CHL1: variants seen among roughly 807,000 people sequenced by gnomAD.
The protein encoded by CHL1 is cell adhesion molecule L1 like.
Under a neutral mutation model 141.9 loss-of-function variants are expected in CHL1, and 96 were observed. The ratio of observed to expected loss-of-function variants is 0.68; its 90% CI spans 0.57 to 0.80. CHL1 has a LOEUF of 0.80. Among genes scored for constraint, CHL1 ranks in the 30% least tolerant of loss-of-function variants. CHL1 has a pLI of 0.00. For synonymous variants in CHL1, 613 were observed against 502.2 expected, an observed-to-expected ratio of 1.22 and a Z score of -2.95; for missense variants, 1,820 against 1,457.2, an observed-to-expected ratio of 1.25 and a Z score of -4.05.
At chr3:401,014 A>G (rs115133644) in intron 26 of CHL1, among the ~76,000 whole-genome samples, 1,762 of 148,798 alleles carry the variant, frequency 0.012, 40 homozygotes, top group African/African-American at 0.041. Context: ...TGATCCTCCA[A>G]CCTCAGCTCC....
intron 1 of CHL1, among the ~76,000 whole-genome samples, chr3:198,931 G>C (rs546558308): frequency 6.6e-6 from 1 of 152,360 alleles, no homozygotes; most frequent in Non-Finnish European, 1.5e-5. Flanking sequence ...TTGATGGAGA[G>C]AGAAGCTTAG....
At chr3:285,096 T>G (rs1697011477) in intron 2 of CHL1, among the ~76,000 whole-genome samples, 1 of 152,248 alleles carries the variant, frequency 6.6e-6, no homozygotes. Flanking sequence ...TAAACATGCT[T>G]ACGCATGTTT....
At chr3:291,256 T>C (rs1479859708) in intron 2 of CHL1, among the ~76,000 whole-genome samples, 3 of 152,034 alleles carry the variant, frequency 2.0e-5, no homozygotes, top group East Asian at 3.9e-4. Flanking sequence ...TTATTTATCC[T>C]GGAGACACAA....
chr3:328,432 A>C, intron 5 of CHL1, 78 bp downstream of exon 5: 1 of 1,215,816 alleles, frequency 8.2e-7, no homozygotes, highest in Non-Finnish European at 1.1e-6. Flanking sequence ...GGTTCCAATG[A>C]AATAAAGCAG....
intron 15 of CHL1, among the ~76,000 whole-genome samples, chr3:371,416 T>C (rs1575196393): frequency 6.6e-6 from 1 of 152,228 alleles, no homozygotes; most frequent in East Asian, 1.9e-4. Flanking sequence ...TGTCAGAGAC[T>C]AGGATTGCAA....
intron 1 of CHL1, among the ~76,000 whole-genome samples, chr3:238,671 T>A (rs13076578): frequency 0.51 from 76,870 of 151,702 alleles, 21,100 homozygotes; most frequent in Non-Finnish European, 0.61. Flanking sequence ...ACGCCTATAA[T>A]CCCAGCACTT....
At chr3:279,000 G>T (rs906339698) in intron 2 of CHL1, among the ~76,000 whole-genome samples, 2 of 152,066 alleles carry the variant, frequency 1.3e-5, no homozygotes, top group Admixed American at 1.3e-4. Context: ...TATTTCTCAC[G>T]CTCAGATCTT....
intron 1 of CHL1, among the ~76,000 whole-genome samples, chr3:203,780 A>G (rs1359026858): frequency 6.6e-6 from 1 of 152,240 alleles, no homozygotes; most frequent in African/African-American, 2.4e-5. Context: ...TTCTTCAGCA[A>G]GGCAGTAAGA....
intron 9 of CHL1, among the ~76,000 whole-genome samples, chr3:345,462 A>ATTTG (rs1194507030): frequency 4.4e-4 from 38 of 85,984 alleles, no homozygotes; most frequent in African/African-American, 9.7e-4. Flanking sequence ...TTATTTATTT[A>ATTTG]TTTAATTATT....
At chr3:402,489 C>T (rs1248170200) in intron 27 of CHL1, among the ~76,000 whole-genome samples, 1 of 152,156 alleles carries the variant, frequency 6.6e-6, no homozygotes, top group Non-Finnish European at 1.5e-5. Context: ...TCTCAGGTCT[C>T]CTGTATATTT....
intron 2 of CHL1, among the ~76,000 whole-genome samples, chr3:269,361 T>C (rs190701939): frequency 1.3e-5 from 2 of 152,312 alleles, no homozygotes; most frequent in East Asian, 3.9e-4. Flanking sequence ...CCCTGTTTAG[T>C]TAACTGAATC....
chr3:252,114 T>C (rs74601790), intron 2 of CHL1, among the ~76,000 whole-genome samples: 11,550 of 151,886 alleles, frequency 0.076, 512 homozygotes, highest in Middle Eastern at 0.12. Flanking sequence ...GAATAATCTT[T>C]TGAAGATTCT....
At chr3:351,814 A>C (rs1405481251) in intron 10 of CHL1, among the ~76,000 whole-genome samples, 1 of 152,126 alleles carries the variant, frequency 6.6e-6, no homozygotes, top group Admixed American at 6.6e-5. Flanking sequence ...TGCACTTCAA[A>C]TCCTATAATA....
At chr3:381,188 G>A (rs953488419) in intron 16 of CHL1, among the ~76,000 whole-genome samples, 1 of 152,190 alleles carries the variant, frequency 6.6e-6, no homozygotes, top group Admixed American at 6.5e-5. Flanking sequence ...AATCAGAGAA[G>A]AGGGAGGTAA....
At chr3:386,773 A>G (rs564272784) in intron 19 of CHL1, among the ~76,000 whole-genome samples, 2 of 152,302 alleles carry the variant, frequency 1.3e-5, no homozygotes, top group Non-Finnish European at 2.9e-5. Flanking sequence ...CAAGTATAAT[A>G]AGAAGACCTA....
At chr3:249,840 A>G (rs983399140) in intron 2 of CHL1, among the ~76,000 whole-genome samples, 1 of 152,156 alleles carries the variant, frequency 6.6e-6, no homozygotes, top group African/African-American at 2.4e-5. Context: ...TACTGTGAAT[A>G]TAGCCAGCTC....
At position 394,777 on chromosome 3, in the gene CHL1, A is replaced by G. The variant is rs375038827; in HGVS notation, c.2999A>G (p.Asn1000Ser). 45 of 1,614,058 alleles carry G rather than the reference A, an allele frequency of 2.8e-5. No individual in the cohort carries two copies. The African/African-American group carries it at 5.6e-4, about 20-fold the overall frequency. ...SKPSWHLSNL[N>S]ATTKYKFYLR... ...CCCAGCTGGCACCTCTCAAACCTGA[A>G]TGCAACTACCAAGTACAAATTCTAC... Residue 1000 changes from asparagine (N) to serine (S), a missense_variant, in exon 24 of 28, where the codon AAT becomes AGT. Transcript: ENST00000256509.
At chr3:300,425 T>C (rs1698620222) in intron 2 of CHL1, among the ~76,000 whole-genome samples, 2 of 152,260 alleles carry the variant, frequency 1.3e-5, no homozygotes, top group South Asian at 4.1e-4. Flanking sequence ...GATGACTTTG[T>C]GAGAGTGAAT....
intron 2 of CHL1, among the ~76,000 whole-genome samples, chr3:312,236 G>A (rs947041794): frequency 6.6e-6 from 1 of 152,060 alleles, no homozygotes; most frequent in Non-Finnish European, 1.5e-5. Context: ...TAATAACATC[G>A]ACATTCCTTT....
Sources: allele counts gnomAD v4.1 joint callset (sites outside exome capture counted in the v4.1 genomes callset), GRCh38; gene constraint gnomAD v4.1.1; transcripts MANE v1.5; gene names NCBI Gene and HGNC (gene_info 2026-07-23, HGNC 2026-07-21).